Variants in ODF2 observed in about 807,000 individuals in gnomAD.
ODF2 encodes the protein outer dense fiber of sperm tails 2.
Under a neutral mutation model 110.2 loss-of-function variants are expected in ODF2, and 47 were observed. That is an observed-to-expected ratio of 0.43 (90% CI 0.34 to 0.54). The LOEUF (loss-of-function observed/expected upper bound fraction) is 0.54. Ranked by LOEUF, ODF2 falls within the 20% of genes least tolerant of loss-of-function variation. The pLI, the probability that ODF2 is intolerant of heterozygous loss-of-function variation, is 0.03. For synonymous variants in ODF2, 352 were observed against 397.7 expected, an observed-to-expected ratio of 0.89 and a Z score of 1.37; for missense variants, 812 against 1,054.5, an observed-to-expected ratio of 0.77 and a Z score of 3.19.
intron 1 of ODF2, chr9:128,456,874 T>C (rs1201767917): frequency 1.5e-6 from 2 of 1,298,508 alleles, no homozygotes; most frequent in Non-Finnish European, 2.0e-6. Context: ...GCCTCCCTCC[T>C]TTAAACACTA....
Position 128,485,392 on chromosome 9 carries a change from A to G in ODF2, c.1318A>G (p.Thr440Ala), listed in dbSNP as rs747071556. ...TCTTTATGTCGCTGAAGCTTTATCC[A>G]CTCTGGAATCCTGGAGGAGCCGCTA... is the stretch of plus-strand genomic sequence containing the variant. The change falls in exon 13 of 21, where the codon ACT becomes GCT. Residue 440 changes from threonine (T) to alanine (A), a missense_variant. Around this residue, in one of 5 missense-constraint regions of ODF2, gnomAD observed 165 missense variants for 293.4 expected, o/e 0.56. Transcript: ENST00000604420. The surrounding 1 kb of genome is among the most constrained non-coding windows in gnomAD (Gnocchi z 5.0). 14 of 1,609,122 alleles carry G rather than the reference A, an allele frequency of 8.7e-6. No individual in the cohort carries two copies. The highest frequency in any genetic ancestry group is 1.1e-5 in the South Asian group (1 of 90,760).
Position 128,476,114 on chromosome 9 carries a change from A to G in ODF2, c.843+2373A>G, listed in dbSNP as rs1389967775. On this transcript the variant is annotated intron_variant, in intron 8 of 20. Coordinates refer to ENST00000604420, the Ensembl canonical transcript of ODF2. The stretch of plus-strand genomic sequence containing the variant: ...TATCTCTACTGCGTTTTCTTCATTC[A>G]TCTGTTGATGGACACTTAGGTTGAT... Among the ~76,000 whole-genome samples the G allele has an allele frequency of 4.6e-5, 7 of 151,982 alleles. No individual in the cohort carries two copies. In the South Asian group the frequency reaches 1.0e-3, roughly 22 times the overall value.
At chr9:128,455,247 A>G, upstream of ODF2, 1 of 1,534,948 alleles carries the variant, frequency 6.5e-7, no homozygotes, top group Admixed American at 2.0e-5. Flanking sequence ...ACAGAGCGGC[A>G]TAGAGAGTGC....
intron 20 of ODF2, 44 bp downstream of exon 20, chr9:128,499,170 C>T: frequency 6.2e-7 from 1 of 1,610,816 alleles, no homozygotes; most frequent in Non-Finnish European, 8.5e-7. Flanking sequence ...GGGCAGCAGA[C>T]CTAGCTTCTG....
intron 14 of ODF2, among the ~76,000 whole-genome samples, chr9:128,492,154 C>T (rs924574321): frequency 1.3e-4 from 20 of 151,894 alleles, no homozygotes; most frequent in Admixed American, 6.6e-5. Flanking sequence ...CGTGAGCCAC[C>T]GCGCCCGGCC....
At chr9:128,469,113 C>A in intron 4 of ODF2, 70 bp from the exon 5 acceptor site, 1 of 1,483,698 alleles carries the variant, frequency 6.7e-7, no homozygotes, top group Non-Finnish European at 9.3e-7. Flanking sequence ...GTAAATAAGC[C>A]TCCAGTGGTG....
rs543235129 is a variant in ODF2, at chr9:128,481,685, T to A, written c.915+34T>A. 8 of 1,568,388 alleles carry A rather than the reference T, an allele frequency of 5.1e-6. No homozygotes were observed. In the South Asian group the frequency reaches 7.9e-5, roughly 15 times the overall value. On this transcript the variant is annotated intron_variant, in intron 9 of 20. Coordinates refer to ENST00000604420, the Ensembl canonical transcript of ODF2. ...GGCTGCCCTTGTCTACTCTAGTGGGTACAGGTGGCAAGAGCGTCGTTCCAC... is the reference window on the plus strand; with the variant it reads ...GGCTGCCCTTGTCTACTCTAGTGGGAACAGGTGGCAAGAGCGTCGTTCCAC...
Position 128,456,484 on chromosome 9 carries a change from G to A in ODF2, c.-209+229G>A. 3 of 1,525,146 alleles carry A rather than the reference G, an allele frequency of 2.0e-6. No homozygotes were observed. In the East Asian group the frequency reaches 7.7e-5, roughly 39 times the overall value. The allele number at this position is 1,525,146 out of a possible 1,614,324, so 94.5% of individuals were successfully genotyped here. A position where few individuals can be genotyped will look rare whatever the true frequency, so the allele number is the denominator to read the frequency against. On this transcript the variant is annotated intron_variant, in intron 1 of 20. Coordinates refer to ENST00000604420, the Ensembl canonical transcript of ODF2. ...CGGTCGGCCGCCTCCTTCCTCTCTT[G>A]GCTACCACGGGGCTCTGCCCCTCCT...
intron 14 of ODF2, 91 bp downstream of exon 14, chr9:128,488,116 A>G: frequency 6.9e-7 from 1 of 1,447,314 alleles, no homozygotes. Context: ...GGGCATCTTG[A>G]CTAAGAGGGA....
At chr9:128,476,930 C>T (rs1414425302) in intron 8 of ODF2, among the ~76,000 whole-genome samples, 3 of 150,412 alleles carry the variant, frequency 2.0e-5, no homozygotes, top group East Asian at 2.1e-4. Context: ...TGAGCCACCG[C>T]GCCCGGCCTT....
Position 128,485,352 on chromosome 9 carries a change from C to T in ODF2, c.1291-13C>T. The T allele has an allele frequency of 1.3e-6, 2 of 1,490,492 alleles. No homozygotes were observed. The highest frequency in any genetic ancestry group is 1.9e-6 in the Non-Finnish European group (2 of 1,071,118). 92.3% of individuals were successfully genotyped at this position (1,490,492 alleles called of 1,614,324 possible). ...ACACTAGGCTAACAGGCCCTTTTGT[C>T]CCGTGTTCCCAGGATCTTTATGTCG... On this transcript the variant is annotated splice_polypyrimidine_tract_variant and intron_variant, in intron 12 of 20. Coordinates refer to ENST00000604420, the Ensembl canonical transcript of ODF2. This position sits in a 1 kb window ranked among gnomAD's most constrained non-coding sequence, Gnocchi z 5.0.
rs748380389 is a variant in ODF2, at chr9:128,500,119, A to G, written c.2354A>G (p.Gln785Arg). ...CAAGACCTGAAAGATCGCCTGGAGC[A>G]GTCCGAGAGCACCAACCGCAGCATG... is the stretch of plus-strand genomic sequence containing the variant. The change falls in exon 21 of 21, where the codon CAG (glutamine) becomes CGG (arginine). Residue 785 changes from glutamine to arginine, a missense_variant. By Grantham distance (43) the Gln-to-Arg change is conservative. Coordinates refer to ENST00000604420, the Ensembl canonical transcript of ODF2. The G allele has an allele frequency of 6.8e-6, 11 of 1,614,170 alleles. No homozygotes were observed. The East Asian group carries it at 2.2e-4, about 33-fold the overall frequency.
chr9:128,480,078 A>G (rs1258741747), intron 8 of ODF2, among the ~76,000 whole-genome samples: 1 of 152,182 alleles, frequency 6.6e-6, no homozygotes, highest in African/African-American at 2.4e-5. Flanking sequence ...GCTATGATCC[A>G]TGATTACAAC....
At chr9:128,480,376 C>A (rs964414168) in intron 8 of ODF2, among the ~76,000 whole-genome samples, 6 of 152,210 alleles carry the variant, frequency 3.9e-5, no homozygotes, top group Non-Finnish European at 8.8e-5. Context: ...TCCATCACGT[C>A]ACATGGTTAC....
chr9:128,488,049 A>G (rs778366080), intron 14 of ODF2, 24 bp downstream of exon 14: 8 of 1,612,554 alleles, frequency 5.0e-6, no homozygotes, highest in Non-Finnish European at 2.5e-6. Context: ...GCTGGGGACC[A>G]GGCAGCTGGA....
intron 6 of ODF2, among the ~76,000 whole-genome samples, chr9:128,472,019 C>T (rs935713956): frequency 7.9e-5 from 12 of 152,264 alleles, no homozygotes; most frequent in South Asian, 2.1e-4. Flanking sequence ...TGGTGGCTCA[C>T]GCCTGTAATC....
chr9:128,468,028 G>T (rs1391688566), intron 4 of ODF2, among the ~76,000 whole-genome samples: 1 of 151,924 alleles, frequency 6.6e-6, no homozygotes, highest in East Asian at 1.9e-4. Context: ...TATTTAAAAA[G>T]TATTGTATTT....
chr9:128,477,626 G>C (rs1451277480), intron 8 of ODF2, among the ~76,000 whole-genome samples: 21 of 150,282 alleles, frequency 1.4e-4, no homozygotes, highest in Admixed American at 1.4e-3. Context: ...TTTTTTTTGA[G>C]ACGGAGTCTC....
intron 3 of ODF2, chr9:128,460,569 G>T (rs748929474): frequency 6.2e-7 from 1 of 1,613,750 alleles, no homozygotes; most frequent in Non-Finnish European, 8.5e-7. Context: ...ATGAAGGACC[G>T]CTCTTCAACT....
Sources: gnomAD v4.1 joint callset for allele counts (sites outside exome capture counted in the v4.1 genomes callset) on GRCh38, gnomAD v4.1.1 for gene constraint, gnomAD v4.1.1 regional missense constraint, Gnocchi (gnomAD v3.1) non-coding constraint, MANE v1.5 for transcripts, NCBI Gene and HGNC (gene_info 2026-07-23, HGNC 2026-07-21) for gene names.